Variants in PRKN observed in about 807,000 individuals in gnomAD.
The protein encoded by PRKN is parkin RBR E3 ubiquitin protein ligase.
A neutral mutation model predicts 59.5 loss-of-function variants in PRKN; 56 were observed. That is an observed-to-expected ratio of 0.94 (90% CI 0.76 to 1.18). The LOEUF (loss-of-function observed/expected upper bound fraction) is 1.18. Ranked by LOEUF, PRKN falls within the 50% of genes most tolerant of loss-of-function variation. PRKN has a pLI of 0.00. For synonymous variants in PRKN, 250 were observed against 222.1 expected (o/e 1.13, Z -1.12); for missense variants, 657 against 596.4 (o/e 1.10, Z -1.06).
intron 4 of PRKN, among the ~76,000 whole-genome samples, chr6:162,109,862 T>C (rs1480769091): frequency 6.6e-6 from 1 of 152,204 alleles, no homozygotes; most frequent in Admixed American, 6.5e-5. Flanking sequence ...TATTGGACAT[T>C]ACTCAGGATC....
intron 7 of PRKN, among the ~76,000 whole-genome samples, chr6:161,570,134 A>AT (rs1332340408): frequency 3.7e-4 from 49 of 132,662 alleles, no homozygotes; most frequent in African/African-American, 1.5e-3. Flanking sequence ...TAAAAAAAAA[A>AT]AAAAAAAAAA....
intron 6 of PRKN, among the ~76,000 whole-genome samples, chr6:161,942,532 A>G (rs956733842): frequency 1.3e-5 from 2 of 152,166 alleles, no homozygotes; most frequent in Non-Finnish European, 2.9e-5. Flanking sequence ...CTCCATCTCA[A>G]AAAAATAAAT....
chr6:162,081,330 AT>A (rs1452429830), intron 4 of PRKN, among the ~76,000 whole-genome samples: 2 of 152,132 alleles, frequency 1.3e-5, no homozygotes, highest in Non-Finnish European at 2.9e-5. Context: ...CTATAGCATC[AT>A]GAAATTTTTT....
intron 4 of PRKN, among the ~76,000 whole-genome samples, chr6:162,191,683 T>C (rs981711357): frequency 6.6e-6 from 1 of 152,292 alleles, no homozygotes; most frequent in South Asian, 2.1e-4. Flanking sequence ...CTTCAAGTGA[T>C]CCACCGACCT....
intron 7 of PRKN, among the ~76,000 whole-genome samples, chr6:161,628,911 C>T (rs1026313099): frequency 6.6e-6 from 1 of 152,116 alleles, no homozygotes; most frequent in Non-Finnish European, 1.5e-5. Flanking sequence ...GAGAACCATT[C>T]GCAGGACACA....
chr6:162,099,575 G>A (rs1779880553), intron 4 of PRKN, among the ~76,000 whole-genome samples: 1 of 152,228 alleles, frequency 6.6e-6, no homozygotes, highest in South Asian at 2.1e-4. Context: ...ATGTTTAATT[G>A]AAGTATAATA....
At chr6:161,897,210 C>A (rs963444041) in intron 6 of PRKN, among the ~76,000 whole-genome samples, 3 of 152,228 alleles carry the variant, frequency 2.0e-5, no homozygotes, top group African/African-American at 7.2e-5. Context: ...TCATTCCTAA[C>A]TGCAGCCTCC....
At chr6:161,800,934 G>A (rs1272416922) in intron 6 of PRKN, among the ~76,000 whole-genome samples, 1 of 152,126 alleles carries the variant, frequency 6.6e-6, no homozygotes, top group African/African-American at 2.4e-5. Context: ...CTGGAGGGCA[G>A]GGCCCACTCC....
intron 4 of PRKN, among the ~76,000 whole-genome samples, chr6:162,110,521 A>G (rs552024149): frequency 4.7e-4 from 72 of 152,338 alleles, no homozygotes; most frequent in African/African-American, 1.7e-3. Flanking sequence ...ATGTAAACAA[A>G]CAATATAATT....
At chr6:162,260,664 G>T (rs942273378) in intron 3 of PRKN, among the ~76,000 whole-genome samples, 2 of 152,128 alleles carry the variant, frequency 1.3e-5, no homozygotes, top group East Asian at 1.9e-4. Flanking sequence ...GATGAATATG[G>T]TTGATAAGAG....
chr6:161,983,973 A>G (rs1264410428), intron 5 of PRKN, among the ~76,000 whole-genome samples: 2 of 152,148 alleles, frequency 1.3e-5, no homozygotes, highest in African/African-American at 2.4e-5. Context: ...CGTGAAAACT[A>G]GGAAAACTAA....
At chr6:162,484,846 G>A (rs1792471185) in intron 1 of PRKN, among the ~76,000 whole-genome samples, 1 of 152,038 alleles carries the variant, frequency 6.6e-6, no homozygotes, top group Admixed American at 6.6e-5. Context: ...AAGAAAATTG[G>A]CCCTTTTATC....
Position 162,100,149 on chromosome 6 carries a change from T to A in PRKN, c.535-45975A>T, listed in dbSNP as rs540767273. Among the ~76,000 whole-genome samples the A allele has an allele frequency of 2.0e-5, 3 of 152,218 alleles. No homozygotes were observed. In the East Asian group the frequency reaches 5.8e-4, roughly 29 times the overall value. ...TATGGTATCTTATTGTGTTTATAAA[T>A]ATAACACATTTTCTTTATTCATTCA... On this transcript the variant is annotated intron_variant, in intron 4 of 11. Coordinates refer to ENST00000366898, the MANE Select transcript of PRKN (RefSeq NM_004562.3).
At chr6:161,572,150 T>C (rs1780915302) in intron 7 of PRKN, among the ~76,000 whole-genome samples, 1 of 152,230 alleles carries the variant, frequency 6.6e-6, no homozygotes, top group African/African-American at 2.4e-5. Context: ...AGAAAGGTCC[T>C]GTTTCTTGGG....
At chr6:162,712,758 T>C (rs1778583079) in intron 1 of PRKN, among the ~76,000 whole-genome samples, 2 of 152,214 alleles carry the variant, frequency 1.3e-5, no homozygotes, top group African/African-American at 4.8e-5. Context: ...AAACATGAAG[T>C]TACATAGCTG....
rs1232930828 is a variant in PRKN at position 161,428,109 on chromosome 6, A to T, written c.1084-41232T>A. Among the ~76,000 whole-genome samples, 1 of 152,134 alleles carries T rather than the reference A, an allele frequency of 6.6e-6. No homozygotes were observed. The highest frequency in any genetic ancestry group is 1.5e-5 in the Non-Finnish European group (1 of 68,026). ...TCACACGCATGAGTGATGCTCTTCC[A>T]CCTGCATCTTCTGGCACTTGCACTG... On this transcript the variant is annotated intron_variant, in intron 9 of 11. Transcript: ENST00000366898. The surrounding 1 kb of genome is among the most constrained non-coding windows in gnomAD (Gnocchi z 4.0).
chr6:162,101,450 C>T (rs1253744567), intron 4 of PRKN, among the ~76,000 whole-genome samples: 6 of 151,662 alleles, frequency 4.0e-5, no homozygotes, highest in African/African-American at 9.7e-5. Flanking sequence ...GGGCGGAACA[C>T]GAGGTCAGGA....
Position 161,981,621 on chromosome 6 carries a change from C to G in PRKN, c.619-8204G>C, listed in dbSNP as rs1265793784. On this transcript the variant is annotated intron_variant, in intron 5 of 11. Coordinates refer to ENST00000366898, the MANE Select transcript of PRKN (RefSeq NM_004562.3). ...AAAAAAGCCTTTAAAATAGCCATGGCAAAGCCTGTTTATCTTGTGACTTCT... is the reference window on the plus strand; with the variant it reads ...AAAAAAGCCTTTAAAATAGCCATGGGAAAGCCTGTTTATCTTGTGACTTCT... 3.3e-5 allele frequency among the ~76,000 whole-genome samples: 5 copies of G among 152,276 alleles called. No individual in the cohort carries two copies. The East Asian group carries it at 9.7e-4, about 29-fold the overall frequency.
At chr6:162,300,603 C>T (rs570583868) in intron 2 of PRKN, among the ~76,000 whole-genome samples, 1 of 151,984 alleles carries the variant, frequency 6.6e-6, no homozygotes, top group East Asian at 1.9e-4. Flanking sequence ...GGCCTGGAAC[C>T]AACCAAACAT....
Sources: allele counts gnomAD v4.1 joint callset (sites outside exome capture counted in the v4.1 genomes callset), GRCh38; gene constraint gnomAD v4.1.1; non-coding constraint Gnocchi (gnomAD v3.1); transcripts MANE v1.5; gene names NCBI Gene and HGNC (gene_info 2026-07-23, HGNC 2026-07-21).